The following DEFB131A variants were observed in gnomAD, a reference collection of about 807,000 sequenced individuals.
DEFB131A encodes beta-defensin 131A.
A neutral mutation model predicts 2.4 loss-of-function variants in DEFB131A; 5 were observed. That is an observed-to-expected ratio of 2.12 (90% confidence interval 1.11 to 4.47). DEFB131A has a LOEUF of 4.47. Among genes scored for constraint, DEFB131A ranks in the 30% most tolerant of loss-of-function variants. DEFB131A has a pLI of 0.00. For synonymous variants in DEFB131A, 34 were observed against 25.7 expected (o/e 1.32, Z -0.97); for missense variants, 120 against 79.9 (o/e 1.50, Z -1.91).
chr4:9,448,710 A>T (rs1236754327), intron 1 of DEFB131A, among the ~76,000 whole-genome samples: 2 of 152,202 alleles, frequency 1.3e-5, no homozygotes, highest in South Asian at 2.1e-4. Context: ...TTACAATAAA[A>T]GTAAAAAGAA....
intron 1 of DEFB131A, 59 bp from the exon 2 acceptor site, chr4:9,450,301 C>G: frequency 1.4e-6 from 2 of 1,388,002 alleles, no homozygotes; most frequent in African/African-American, 1.5e-5. Flanking sequence ...ACATTTCAGA[C>G]ATTTAACAAT....
intron 1 of DEFB131A, among the ~76,000 whole-genome samples, chr4:9,447,589 C>A (rs1350429231): frequency 2.0e-5 from 3 of 152,002 alleles, no homozygotes; most frequent in Non-Finnish European, 4.4e-5. Flanking sequence ...GCCTTCTTGC[C>A]ATGTCCTCTT....
At chr4:9,448,862 T>C (rs547895370) in intron 1 of DEFB131A, among the ~76,000 whole-genome samples, 28 of 152,214 alleles carry the variant, frequency 1.8e-4, no homozygotes, top group African/African-American at 6.7e-4. Flanking sequence ...GAAAAGGAAA[T>C]AAATGGCATC....
chr4:9,448,443 G>A (rs1433069709), intron 1 of DEFB131A, among the ~76,000 whole-genome samples: 1 of 152,040 alleles, frequency 6.6e-6, no homozygotes, highest in Non-Finnish European at 1.5e-5. Context: ...TCTGCCTCCT[G>A]GGTCCAAGCA....
chr4:9,447,458 C>T (rs1263508298), intron 1 of DEFB131A, among the ~76,000 whole-genome samples: 1 of 152,090 alleles, frequency 6.6e-6, no homozygotes, highest in Non-Finnish European at 1.5e-5. Context: ...TAAAGTACCA[C>T]AGAATGGGTG....
At chr4:9,446,076 G>A (rs12648831) in intron 1 of DEFB131A, among the ~76,000 whole-genome samples, 75,951 of 151,506 alleles carry the variant, frequency 0.5, 22,308 homozygotes, top group Non-Finnish European at 0.66. Context: ...ACACTCTAAA[G>A]GAATGAATTT....
rs923516723 is a variant in DEFB131A at position 9,447,479 on chromosome 4, C to G, written c.59-2881C>G. Among the ~76,000 whole-genome samples the G allele has an allele frequency of 3.3e-5, 5 of 152,006 alleles. 1 individual carries two copies. Among genetic ancestry groups the G allele is most frequent in the African/African-American group, 9.7e-5 (4 of 41,408 alleles). ...ACCACAGAATGGGTGCCTTAAATAACAAAAGTTCATTTTCTCACAGTTCTG... is the reference window on the plus strand; with the variant it reads ...ACCACAGAATGGGTGCCTTAAATAAGAAAAGTTCATTTTCTCACAGTTCTG... On this transcript the variant is annotated intron_variant, in intron 1 of 1. Coordinates refer to ENST00000334879, the MANE Select transcript of DEFB131A (RefSeq NM_001040448.3).
chr4:9,449,991 A>C (rs1717613557), intron 1 of DEFB131A, among the ~76,000 whole-genome samples: 1 of 152,168 alleles, frequency 6.6e-6, no homozygotes, highest in African/African-American at 2.4e-5. Flanking sequence ...CTCTACTTAC[A>C]CTAGATTACA....
At chr4:9,448,514 G>A (rs1430121541) in intron 1 of DEFB131A, among the ~76,000 whole-genome samples, 1 of 152,062 alleles carries the variant, frequency 6.6e-6, no homozygotes, top group African/African-American at 2.4e-5. Context: ...AGTAGAGACT[G>A]GATTCCGCTA....
intron 1 of DEFB131A, among the ~76,000 whole-genome samples, chr4:9,449,050 C>G (rs1221915435): frequency 6.6e-6 from 1 of 151,660 alleles, no homozygotes; most frequent in African/African-American, 2.4e-5. Context: ...GCACTAACAA[C>G]AAGCACTGGA....
At chr4:9,445,404 T>A (rs1717469648) in intron 1 of DEFB131A, among the ~76,000 whole-genome samples, 1 of 152,120 alleles carries the variant, frequency 6.6e-6, no homozygotes, top group African/African-American at 2.4e-5. Flanking sequence ...TTTAACCACA[T>A]AACTAGCCAA....
chr4:9,448,069 G>A (rs184578866), intron 1 of DEFB131A, among the ~76,000 whole-genome samples: 10 of 151,602 alleles, frequency 6.6e-5, no homozygotes, highest in Admixed American at 1.3e-4. Context: ...TTGAAAATAA[G>A]CAAAATGTAC....
chr4:9,446,843 T>A (rs1181518495), intron 1 of DEFB131A, among the ~76,000 whole-genome samples: 1 of 152,164 alleles, frequency 6.6e-6, no homozygotes, highest in Admixed American at 6.5e-5. Context: ...TTTCATTGAC[T>A]CAATGGTTGT....
chr4:9,446,739 CTT>C (rs1221162321), intron 1 of DEFB131A, among the ~76,000 whole-genome samples: 1 of 152,092 alleles, frequency 6.6e-6, no homozygotes, highest in African/African-American at 2.4e-5. Flanking sequence ...AAAATTCTCT[CTT>C]AGCACTGTCT....
At chr4:9,447,793 T>G (rs1487452173) in intron 1 of DEFB131A, among the ~76,000 whole-genome samples, 4 of 151,918 alleles carry the variant, frequency 2.6e-5, no homozygotes, top group African/African-American at 9.7e-5. Flanking sequence ...AACATACAAA[T>G]TTTGGAGGAA....
At chr4:9,448,678 G>A (rs1417452054) in intron 1 of DEFB131A, among the ~76,000 whole-genome samples, 3 of 152,130 alleles carry the variant, frequency 2.0e-5, no homozygotes, top group African/African-American at 7.2e-5. Context: ...CAAAAATAGA[G>A]TTTGTCACCA....
At chr4:9,447,013 C>G (rs1219358919) in intron 1 of DEFB131A, among the ~76,000 whole-genome samples, 4 of 152,028 alleles carry the variant, frequency 2.6e-5, no homozygotes, top group Non-Finnish European at 5.9e-5. Context: ...AACATATGGT[C>G]CAGCCTGGAG....
intron 1 of DEFB131A, among the ~76,000 whole-genome samples, chr4:9,449,974 C>T (rs1461705790): frequency 2.0e-5 from 3 of 152,154 alleles, no homozygotes; most frequent in African/African-American, 4.8e-5. Flanking sequence ...TGATTCAAGG[C>T]CAACCCCTCT....
intron 1 of DEFB131A, among the ~76,000 whole-genome samples, chr4:9,449,926 T>A (rs1450851019): frequency 2.0e-5 from 3 of 152,108 alleles, no homozygotes; most frequent in African/African-American, 7.2e-5. Context: ...CTTCATATAG[T>A]TTTATATTTA....
Sources: gnomAD v4.1 joint callset for allele counts (sites outside exome capture counted in the v4.1 genomes callset) on GRCh38, gnomAD v4.1.1 for gene constraint, MANE v1.5 for transcripts, NCBI Gene and HGNC (gene_info 2026-07-23, HGNC 2026-07-21) for gene names.